HIVEP2: variants seen among roughly 807,000 people sequenced by gnomAD.
HIVEP2 encodes the protein transcription factor HIVEP2.
A neutral mutation model predicts 180.7 loss-of-function variants in HIVEP2; 14 were observed. That is an observed-to-expected ratio of 0.08 (90% CI 0.05 to 0.12). The LOEUF is 0.12. Among genes scored for constraint, HIVEP2 ranks in the 10% least tolerant of loss-of-function variants. The probability of loss-of-function intolerance (pLI) is 1.00; values close to 1 mark genes in which losing one functional copy is unlikely to be tolerated. For missense variants in HIVEP2, 2,579 were observed against 3,008.5 expected, an observed-to-expected ratio of 0.86 and a Z score of 3.34; for synonymous variants, 1,184 against 1,136.4, an observed-to-expected ratio of 1.04 and a Z score of -0.84.
chr6:142,863,844 G>C lies in HIVEP2; in HGVS notation c.-640-26797C>G, dbSNP rs1776067998. ...TGTGGGAAAGCTCACATTCCAGTGA[G>C]CACTGATTCAAGGAATATTTGTAGT... On this transcript the variant is annotated intron_variant, in intron 1 of 9. Coordinates refer to ENST00000367603, the MANE Select transcript of HIVEP2 (RefSeq NM_006734.4). Among the ~76,000 whole-genome samples, 3 of 152,300 alleles carry C rather than the reference G, an allele frequency of 2.0e-5. No homozygotes were observed. In the South Asian group the frequency reaches 6.2e-4, roughly 32 times the overall value.
In HIVEP2 at chr6:142,796,421, G is replaced by A. The variant is rs1359588952; in HGVS notation, c.-527-12806C>T. Among the ~76,000 whole-genome samples the A allele has an allele frequency of 3.3e-5, 5 of 152,060 alleles. No homozygotes were observed. In the South Asian group the frequency reaches 1.0e-3, roughly 32 times the overall value. On this transcript the variant is annotated intron_variant, in intron 2 of 9. Coordinates refer to ENST00000367603, the MANE Select transcript of HIVEP2 (RefSeq NM_006734.4). ...TAAGCAGTGGATGAACACATATTTT[G>A]TATGTTGTCTGTATTATATACTGTA...
chr6:142,799,591 G>T (rs1010684528), intron 2 of HIVEP2, among the ~76,000 whole-genome samples: 34 of 152,094 alleles, frequency 2.2e-4, no homozygotes, highest in Admixed American at 1.9e-3. Context: ...GTCATCAGTG[G>T]ACAGCTGCAA....
chr6:142,809,818 T>C (rs1266652868), intron 2 of HIVEP2, among the ~76,000 whole-genome samples: 5 of 152,134 alleles, frequency 3.3e-5, no homozygotes, highest in Admixed American at 3.3e-4. Flanking sequence ...GGTCTTGAAC[T>C]CCTGACCTCA....
chr6:142,806,640 G>T (rs1014108266), intron 2 of HIVEP2, among the ~76,000 whole-genome samples: 1 of 152,098 alleles, frequency 6.6e-6, no homozygotes, highest in African/African-American at 2.4e-5. Context: ...GGCTTTTCTA[G>T]AGGTAGGCTT....
chr6:142,918,330 G>A (rs1017037007), intron 1 of HIVEP2, among the ~76,000 whole-genome samples: 3 of 152,330 alleles, frequency 2.0e-5, no homozygotes, highest in Non-Finnish European at 4.4e-5. Flanking sequence ...AAAGGCCTGA[G>A]CCATCGCTCA....
intron 1 of HIVEP2, among the ~76,000 whole-genome samples, chr6:142,930,428 T>G (rs909734145): frequency 1.3e-5 from 2 of 152,290 alleles, no homozygotes; most frequent in East Asian, 3.9e-4. Context: ...CCCATAAAAC[T>G]ATAACCTTCT....
chr6:142,899,169 T>C (rs1036051127), intron 1 of HIVEP2, among the ~76,000 whole-genome samples: 17 of 152,328 alleles, frequency 1.1e-4, no homozygotes, highest in Middle Eastern at 3.4e-3. Flanking sequence ...AATCCTGCCA[T>C]GTGAAGATTT....
intron 1 of HIVEP2, among the ~76,000 whole-genome samples, chr6:142,862,759 T>C (rs1251569949): frequency 7.3e-6 from 1 of 136,842 alleles, no homozygotes; most frequent in African/African-American, 2.7e-5. Flanking sequence ...ATTACATATA[T>C]TATGTAATAT....
chr6:142,827,417 G>A (rs1774938056), intron 2 of HIVEP2, among the ~76,000 whole-genome samples: 1 of 152,170 alleles, frequency 6.6e-6, no homozygotes, highest in South Asian at 2.1e-4. Flanking sequence ...GTTTCCTCAG[G>A]CTGGGTGTGA....
intron 2 of HIVEP2, among the ~76,000 whole-genome samples, chr6:142,809,124 G>A (rs1776627594): frequency 6.6e-6 from 1 of 152,044 alleles, no homozygotes; most frequent in Non-Finnish European, 1.5e-5. Context: ...ATAATGGAAA[G>A]CATAATCCAT....
chr6:142,811,559 A>G (rs1776699140), intron 2 of HIVEP2, among the ~76,000 whole-genome samples: 1 of 152,188 alleles, frequency 6.6e-6, no homozygotes, highest in African/African-American at 2.4e-5. Context: ...AAACAAGGAG[A>G]AAAAAGAGCC....
chr6:142,856,884 G>C, intron 1 of HIVEP2, among the ~76,000 whole-genome samples: 1 of 152,186 alleles, frequency 6.6e-6, no homozygotes, highest in South Asian at 2.1e-4. Flanking sequence ...TGACTGGTCC[G>C]AGACCAACCT....
At chr6:142,764,746 A>C (rs183415440) in intron 7 of HIVEP2, 53 bp downstream of exon 7, 8 of 1,329,720 alleles carry the variant, frequency 6.0e-6, no homozygotes, top group Admixed American at 2.0e-5. Context: ...GCACTCAGAA[A>C]TCTAAGTAGC....
chr6:142,806,167 A>G (rs1449327999), intron 2 of HIVEP2, among the ~76,000 whole-genome samples: 1 of 152,186 alleles, frequency 6.6e-6, no homozygotes, highest in Non-Finnish European at 1.5e-5. Flanking sequence ...TACTCCCAAT[A>G]TACTCACATT....
intron 2 of HIVEP2, among the ~76,000 whole-genome samples, chr6:142,809,734 C>G (rs1776642423): frequency 6.6e-6 from 1 of 152,094 alleles, no homozygotes. Flanking sequence ...TCTGGGATTA[C>G]AGGTGCCCAC....
At chr6:142,834,259 T>G (rs540491379) in intron 2 of HIVEP2, among the ~76,000 whole-genome samples, 2 of 152,260 alleles carry the variant, frequency 1.3e-5, no homozygotes, top group South Asian at 4.1e-4. Flanking sequence ...AAGAAAAGGT[T>G]TGGGGAAATC....
At position 142,755,476 on chromosome 6, in the gene HIVEP2, A is replaced by G. The variant is rs189952615; in HGVS notation, c.6517-1545T>C. ...AAGTACGTTTTCTTTTAATCACAGC[A>G]ATCACAGATTCAAAGTTTAAAATAA... is the stretch of plus-strand genomic sequence containing the variant. On this transcript the variant is annotated intron_variant, in intron 9 of 9. Coordinates refer to ENST00000367603, the MANE Select transcript of HIVEP2 (RefSeq NM_006734.4). 6.0e-4 allele frequency among the ~76,000 whole-genome samples: 92 copies of G among 152,364 alleles called. No homozygotes were observed. The East Asian group carries it at 0.014, about 23-fold the overall frequency.
At chr6:142,911,932 C>T (rs1296348579) in intron 1 of HIVEP2, among the ~76,000 whole-genome samples, 1 of 152,146 alleles carries the variant, frequency 6.6e-6, no homozygotes, top group Non-Finnish European at 1.5e-5. Flanking sequence ...ATGGATGTTT[C>T]AGTGCTAGTA....
In HIVEP2 at chr6:142,753,848, G is replaced by A. The variant is rs766155616; in HGVS notation, c.6600C>T (p.Ser2200=). The A allele has an allele frequency of 1.4e-5, 22 of 1,613,552 alleles. No individual in the cohort carries two copies. The highest frequency in any genetic ancestry group is 1.8e-5 in the Non-Finnish European group (21 of 1,179,590). ...AGTCATTAGGACCCTCAGGGAAAAG[G>A]CTGGAGCCTGGATGTTCATAAGCAC... The part of the protein sequence containing the change: ...QEGAYEHPGS[S]LFPEGPNDYV... Residue 2200 remains serine, a synonymous_variant, in exon 10 of 10, where the codon AGC becomes AGT. Coordinates refer to ENST00000367603, the MANE Select transcript of HIVEP2 (RefSeq NM_006734.4).
Sources: gnomAD v4.1 joint callset for allele counts (sites outside exome capture counted in the v4.1 genomes callset) on GRCh38, gnomAD v4.1.1 for gene constraint, MANE v1.5 for transcripts, NCBI Gene and HGNC (gene_info 2026-07-23, HGNC 2026-07-21) for gene names.